The following SLC12A3 variants were observed in gnomAD, a reference collection of about 807,000 sequenced individuals.
SLC12A3 encodes solute carrier family 12 member 3, also known as Na-Cl cotransporter.
SLC12A3 carries 104 observed loss-of-function variants against 121.0 expected under a neutral mutation model. That is an observed-to-expected ratio of 0.86 (90% CI 0.73 to 1.01). The LOEUF (loss-of-function observed/expected upper bound fraction) is 1.01. SLC12A3 is among the 50% of genes least tolerant of loss of function. SLC12A3 has a pLI of 0.00. For missense variants in SLC12A3, 1,328 were observed against 1,356.3 expected, an observed-to-expected ratio of 0.98 and a Z score of 0.33; for synonymous variants, 536 against 533.4, an observed-to-expected ratio of 1.00 and a Z score of -0.07.
chr16:56,897,525 G>A (rs1019713576), intron 22 of SLC12A3, among the ~76,000 whole-genome samples: 1 of 152,174 alleles, frequency 6.6e-6, no homozygotes, highest in Non-Finnish European at 1.5e-5. Flanking sequence ...CCCCCACTAA[G>A]AACTTTCTCC....
At chr16:56,886,078 C>G (rs1172897233) in intron 15 of SLC12A3, among the ~76,000 whole-genome samples, 1 of 152,206 alleles carries the variant, frequency 6.6e-6, no homozygotes, top group East Asian at 1.9e-4. Context: ...AGGCTTTGTT[C>G]TTTCCCCCAC....
At chr16:56,902,531 G>GGGGGGGGGGGC in intron 24 of SLC12A3, 23 bp downstream of exon 24, 2 of 714,556 alleles carry the variant, frequency 2.8e-6, no homozygotes, top group Non-Finnish European at 4.8e-6. Flanking sequence ...GTGGGGGTGG[G>GGGGGGGGGGGC]AAACGCGACA....
intron 25 of SLC12A3, among the ~76,000 whole-genome samples, chr16:56,909,291 A>G (rs1277370391): frequency 6.7e-6 from 1 of 148,548 alleles, no homozygotes; most frequent in Non-Finnish European, 1.5e-5. Flanking sequence ...AGACCCTGTC[A>G]CTACCAAAAG....
chr16:56,873,313 T>C (rs138286718), intron 8 of SLC12A3, among the ~76,000 whole-genome samples: 269 of 151,556 alleles, frequency 1.8e-3, no homozygotes, highest in Non-Finnish European at 3.3e-3. Context: ...CTGCGCTCTC[T>C]ACCTGCAACT....
chr16:56,882,826 A>C (rs1347328274), intron 13 of SLC12A3, among the ~76,000 whole-genome samples: 1 of 151,924 alleles, frequency 6.6e-6, no homozygotes, highest in Non-Finnish European at 1.5e-5. Context: ...CCTGTAATCC[A>C]AGCTATTCGG....
chr16:56,911,308 TTTG>T (rs879658573), intron 25 of SLC12A3, among the ~76,000 whole-genome samples: 1,215 of 50,202 alleles, frequency 0.024, 43 homozygotes, highest in Admixed American at 0.16. Flanking sequence ...TTTGAGACCT[TTTG>T]TTTGTTTGTT....
At chr16:56,906,722 T>C (rs1277214051) in intron 25 of SLC12A3, 2 of 620,324 alleles carry the variant, frequency 3.2e-6, no homozygotes, top group East Asian at 3.1e-5. Flanking sequence ...TTAGAACTAA[T>C]TTTGGTGGTG....
chr16:56,879,631 T>G lies in SLC12A3; in HGVS notation c.1425T>G (p.Ser475=). 6.2e-7 allele frequency: 1 copy of G among 1,613,322 alleles called. No individual in the cohort carries two copies. The highest frequency in any genetic ancestry group is 8.5e-7 in the Non-Finnish European group (1 of 1,179,864). Residue 475 remains serine, a synonymous_variant, in exon 11 of 26, where the codon TCT becomes TCG. Transcript: ENST00000563236. ...CCTCTGCCCTGGCCTGCCTTGTCTCTGCTGCCAAAGTCTTCCAGGTGAGGC... is the reference window on the plus strand; with the variant it reads ...CCTCTGCCCTGGCCTGCCTTGTCTCGGCTGCCAAAGTCTTCCAGGTGAGGC... ...TLSSALACLV[S]AAKVFQCLCE... is the part of the protein sequence containing the mutation.
intron 25 of SLC12A3, among the ~76,000 whole-genome samples, chr16:56,905,338 CAAAAAAAAAAA>C (rs59206129): frequency 3.9e-5 from 2 of 50,750 alleles, no homozygotes; most frequent in African/African-American, 1.4e-4. Flanking sequence ...AACTCCGTCT[CAAAAAAAAAAA>C]AAAAAAAAAA....
In SLC12A3 at chr16:56,872,467, G is replaced by A; in HGVS notation, c.964+5G>A. 6.2e-7 allele frequency: 1 copy of A among 1,611,200 alleles called. No homozygotes were observed. The highest frequency in any genetic ancestry group is 8.5e-7 in the Non-Finnish European group (1 of 1,177,510). On this transcript the variant is annotated splice_donor_5th_base_variant and intron_variant, in intron 7 of 25. Transcript: ENST00000563236. ...AAGGCTTCTTCAGCTACCGGGGTATGTGCTGATCAAGGCCCTGACCATGGC... is the reference window on the plus strand; with the variant it reads ...AAGGCTTCTTCAGCTACCGGGGTATATGCTGATCAAGGCCCTGACCATGGC...
intron 3 of SLC12A3, among the ~76,000 whole-genome samples, chr16:56,869,431 G>T (rs917044676): frequency 4.6e-5 from 7 of 152,084 alleles, no homozygotes; most frequent in Non-Finnish European, 1.0e-4. Context: ...GGGTTCAAGC[G>T]ATTCTCCTGC....
At chr16:56,878,035 T>TCCCTCCCTCCCTCCCTCCCTCTCTCC (rs2055186933) in intron 8 of SLC12A3, 42 bp from the exon 9 acceptor site, 1 of 448,084 alleles carries the variant, frequency 2.2e-6, no homozygotes, top group African/African-American at 2.3e-5. Flanking sequence ...TCCCTCCCTC[T>TCCCTCCCTCCCTCCCTCCCTCTCTCC]CTCCCTCCCT....
intron 18 of SLC12A3, among the ~76,000 whole-genome samples, chr16:56,889,003 A>G (rs2055355593): frequency 6.6e-6 from 1 of 152,186 alleles, no homozygotes; most frequent in Admixed American, 6.5e-5. Context: ...TGAAACCAGG[A>G]CCTGAGGACG....
chr16:56,903,149 A>C (rs1363644825), intron 24 of SLC12A3, among the ~76,000 whole-genome samples: 25 of 121,220 alleles, frequency 2.1e-4, no homozygotes, highest in East Asian at 1.1e-3. Context: ...ACTCCGTCTC[A>C]AAAAAAAAAA....
At position 56,913,839 on chromosome 16, in the gene SLC12A3, C is replaced by T; in HGVS notation, c.*434C>T. 1 of 291,440 alleles carries T rather than the reference C, an allele frequency of 3.4e-6. No individual in the cohort carries two copies. The highest frequency in any genetic ancestry group is 3.3e-5 in the South Asian group (1 of 30,040). 18.1% of individuals were successfully genotyped at this position (291,440 alleles called of 1,614,324 possible). A position where few individuals can be genotyped will look rare whatever the true frequency, so the allele number is the denominator to read the frequency against. On this transcript the variant is annotated 3_prime_UTR_variant, in exon 26 of 26. Transcript: ENST00000563236. ...TCCTCCAATAGGAGAATGGGAGCCT[C>T]ACCTGTAGGACCTACAGGCTCTCTA...
chr16:56,890,655 T>G (rs2055377052), intron 19 of SLC12A3, among the ~76,000 whole-genome samples: 1 of 152,074 alleles, frequency 6.6e-6, no homozygotes, highest in Non-Finnish European at 1.5e-5. Context: ...TCCCAGCGCT[T>G]TGGGAGGCCA....
chr16:56,902,663 T>C (rs1343973507), intron 24 of SLC12A3, among the ~76,000 whole-genome samples, 155 bp downstream of exon 24: 1 of 152,132 alleles, frequency 6.6e-6, no homozygotes, highest in Non-Finnish European at 1.5e-5. Flanking sequence ...TCGTTCAGGC[T>C]GATGGGTAAC....
rs1350539060 is a variant in SLC12A3, at chr16:56,894,579, G to A, written c.2570G>A (p.Ser857Asn). 1.2e-6 allele frequency: 2 copies of A among 1,614,042 alleles called. No individual in the cohort carries two copies. The highest frequency in any genetic ancestry group is 1.3e-5 in the African/African-American group (1 of 74,920). Residue 857 changes from serine (S) to asparagine (N), a missense_variant, in exon 22 of 26, where the codon AGC becomes AAC. Coordinates refer to ENST00000563236, the MANE Select transcript of SLC12A3 (RefSeq NM_001126108.2). ...PYLLGRKRRW[S>N]KCKIRVFVGG... ...CTCCTTGGCCGCAAGAGGAGGTGGA[G>A]CAAATGCAAGATCCGTGTGTTCGTA...
At chr16:56,912,990 G>A (rs1056711014) in intron 25 of SLC12A3, among the ~76,000 whole-genome samples, 9 of 152,200 alleles carry the variant, frequency 5.9e-5, no homozygotes, top group African/African-American at 2.2e-4. Flanking sequence ...TCGGGGGTGA[G>A]CAAGGCGAGG....
Sources: gnomAD v4.1 joint callset for allele counts (sites outside exome capture counted in the v4.1 genomes callset) on GRCh38, gnomAD v4.1.1 for gene constraint, MANE v1.5 for transcripts, NCBI Gene and HGNC (gene_info 2026-07-23, HGNC 2026-07-21) for gene names.